The following SHTN1 variants were observed in gnomAD, a reference collection of about 807,000 sequenced individuals.
The protein encoded by SHTN1 is shootin 1.
A neutral mutation model predicts 83.1 loss-of-function variants in SHTN1; 42 were observed. The ratio of observed to expected loss-of-function variants is 0.51; its 90% CI spans 0.39 to 0.65. SHTN1 has a LOEUF of 0.65. Ranked by LOEUF, SHTN1 falls within the 30% of genes least tolerant of loss-of-function variation. The probability of loss-of-function intolerance (pLI) is 0.00; values close to 1 mark genes in which losing one functional copy is unlikely to be tolerated. For synonymous variants in SHTN1, 224 were observed against 247.7 expected, an observed-to-expected ratio of 0.90 and a Z score of 0.90; for missense variants, 622 against 737.8, an observed-to-expected ratio of 0.84 and a Z score of 1.82.
chr10:117,110,227 C>T (rs1352342953), intron 1 of SHTN1, among the ~76,000 whole-genome samples: 4 of 152,244 alleles, frequency 2.6e-5, no homozygotes. Flanking sequence ...CCCCTATCAC[C>T]ACTCCAACTG....
chr10:117,004,500 TA>T (rs1038679828), intron 1 of SHTN1, among the ~76,000 whole-genome samples: 23 of 149,172 alleles, frequency 1.5e-4, no homozygotes, highest in African/African-American at 4.9e-4. Flanking sequence ...GAGAAGTGAT[TA>T]AAAAAAAAAT....
chr10:117,083,654 C>T (rs1279411110), intron 1 of SHTN1, among the ~76,000 whole-genome samples: 1 of 151,216 alleles, frequency 6.6e-6, no homozygotes, highest in African/African-American at 2.4e-5. Context: ...TCCATTCTCC[C>T]CATCACTTTC....
In SHTN1 at chr10:116,968,713, C is replaced by G; in HGVS notation, c.112-1G>C. On this transcript the variant is annotated splice_acceptor_variant, in intron 2 of 16. Coordinates refer to ENST00000355371, the MANE Select transcript of SHTN1 (RefSeq NM_001127211.3). LOFTEE classifies it high-confidence loss of function. ...CTCGTTCTTGCCTAATTTTGTCACA[C>G]TGAAATGAGAGAAGTAAACAAATGT... The G allele has an allele frequency of 6.2e-7, 1 of 1,610,092 alleles. No individual in the cohort carries two copies. Among genetic ancestry groups the G allele is most frequent in the Non-Finnish European group, 8.5e-7 (1 of 1,177,182 alleles).
In SHTN1 at chr10:116,893,228, C is replaced by T. The variant is rs146233177; in HGVS notation, c.1674-6662G>A. ...AGTCCACAGGATAACTCCTTGGCAGCGGGGGAAGGAAAAAAAATGAAGTGA... is the reference window on the plus strand; with the variant it reads ...AGTCCACAGGATAACTCCTTGGCAGTGGGGGAAGGAAAAAAAATGAAGTGA... On this transcript the variant is annotated intron_variant, in intron 16 of 16. Coordinates refer to ENST00000355371, the MANE Select transcript of SHTN1 (RefSeq NM_001127211.3). Among the ~76,000 whole-genome samples, 565 of 151,970 alleles carry T rather than the reference C, an allele frequency of 3.7e-3. 5 individuals carry two copies. The highest frequency in any genetic ancestry group is 0.013 in the African/African-American group (532 of 41,454).
intron 1 of SHTN1, among the ~76,000 whole-genome samples, chr10:117,084,972 T>C (rs1162766034): frequency 6.6e-6 from 1 of 152,222 alleles, no homozygotes; most frequent in East Asian, 1.9e-4. Flanking sequence ...GTACCTCAGA[T>C]GGAAATGCAG....
At chr10:116,998,091 CAAAAA>C (rs1185321502) in intron 1 of SHTN1, among the ~76,000 whole-genome samples, 1 of 148,784 alleles carries the variant, frequency 6.7e-6, no homozygotes, top group Non-Finnish European at 1.5e-5. Context: ...GACTCTGTCT[CAAAAA>C]AAAAGAATCA....
chr10:116,892,188 T>C (rs1306899341), intron 16 of SHTN1, among the ~76,000 whole-genome samples: 1 of 152,190 alleles, frequency 6.6e-6, no homozygotes, highest in Non-Finnish European at 1.5e-5. Flanking sequence ...CACAATGCAA[T>C]GCTAGGGAGC....
intron 1 of SHTN1, among the ~76,000 whole-genome samples, chr10:117,064,724 A>C (rs977001554): frequency 1.3e-5 from 2 of 152,002 alleles, no homozygotes; most frequent in Non-Finnish European, 2.9e-5. Context: ...CCCACCCTCA[A>C]CAACGATCAC....
Position 116,883,969 on chromosome 10 carries a change from C to A in SHTN1, c.*2375G>T. ...TCTTTAATAGCAATGGCACAAAGTA[C>A]CTCTATCTCTGTTCCTCACTCGGGC... On this transcript the variant is annotated 3_prime_UTR_variant, in exon 17 of 17. Coordinates refer to ENST00000355371, the MANE Select transcript of SHTN1 (RefSeq NM_001127211.3). The A allele has an allele frequency of 5.0e-6, 1 of 200,738 alleles. No homozygotes were observed. Among genetic ancestry groups the A allele is most frequent in the South Asian group, 6.2e-5 (1 of 16,226 alleles). The allele number at this position is 200,738 out of a possible 1,614,324, so 12.4% of individuals were successfully genotyped here. A position where few individuals can be genotyped will look rare whatever the true frequency, so the allele number is the denominator to read the frequency against.
intron 2 of SHTN1, among the ~76,000 whole-genome samples, chr10:117,034,081 G>T (rs192969683): frequency 2.0e-5 from 3 of 152,094 alleles, no homozygotes; most frequent in Non-Finnish European, 4.4e-5. Flanking sequence ...GTATCATACT[G>T]AATGGGGAAA....
chr10:117,026,008 A>T (rs1852327989), intron 2 of SHTN1, among the ~76,000 whole-genome samples: 1 of 152,080 alleles, frequency 6.6e-6, no homozygotes, highest in Non-Finnish European at 1.5e-5. Flanking sequence ...GGCTAAGGGT[A>T]AGACTCCTTC....
chr10:117,120,339 C>T (rs1012801592), intron 1 of SHTN1, among the ~76,000 whole-genome samples: 1 of 151,746 alleles, frequency 6.6e-6, no homozygotes, highest in African/African-American at 2.4e-5. Flanking sequence ...CCTCCACCTC[C>T]TGGGTTCAAG....
At position 116,882,820 on chromosome 10, in the gene SHTN1, C is replaced by G. The variant is rs936426810; in HGVS notation, c.*3524G>C. On this transcript the variant is annotated 3_prime_UTR_variant, in exon 17 of 17. Coordinates refer to ENST00000355371, the MANE Select transcript of SHTN1 (RefSeq NM_001127211.3). ...CATGCAGGAGACTTGGTTGGTATCACTCTAAGTTGGAAGAACTGTGTCACA... is the reference window on the plus strand; with the variant it reads ...CATGCAGGAGACTTGGTTGGTATCAGTCTAAGTTGGAAGAACTGTGTCACA... The G allele has an allele frequency of 1.3e-5, 2 of 152,154 alleles. No individual in the cohort carries two copies. The highest frequency in any genetic ancestry group is 4.8e-5 in the African/African-American group (2 of 41,430). The allele number at this position is 152,154 out of a possible 1,614,324, so 9.4% of individuals were successfully genotyped here. A position where few individuals can be genotyped will look rare whatever the true frequency, so the allele number is the denominator to read the frequency against.
At chr10:116,923,472 A>G (rs1848633066) in intron 11 of SHTN1, among the ~76,000 whole-genome samples, 1 of 152,220 alleles carries the variant, frequency 6.6e-6, no homozygotes, top group South Asian at 2.1e-4. Flanking sequence ...TAAAAAAGGC[A>G]TAACATTGCC....
At chr10:116,924,296 A>G (rs1848659308) in intron 11 of SHTN1, among the ~76,000 whole-genome samples, 1 of 152,096 alleles carries the variant, frequency 6.6e-6, no homozygotes, top group African/African-American at 2.4e-5. Flanking sequence ...TTACCCTTGC[A>G]CCACACTCTG....
At chr10:116,915,231 T>C (rs1848343578) in intron 13 of SHTN1, 144 bp downstream of exon 13, 1 of 592,272 alleles carries the variant, frequency 1.7e-6, no homozygotes, top group Non-Finnish European at 3.0e-6. Flanking sequence ...AACATGCTTA[T>C]GTGGAAGTAA....
intron 2 of SHTN1, among the ~76,000 whole-genome samples, chr10:116,974,826 C>A (rs1195365799): frequency 6.7e-6 from 1 of 149,722 alleles, no homozygotes; most frequent in Non-Finnish European, 1.5e-5. Flanking sequence ...ATGACGCTTT[C>A]CCCCCATATA....
intron 13 of SHTN1, among the ~76,000 whole-genome samples, chr10:116,912,772 ACCC>A (rs1180788716): frequency 6.6e-6 from 1 of 151,950 alleles, no homozygotes; most frequent in African/African-American, 2.4e-5. Context: ...AGTGAAAGGA[ACCC>A]CTTGAGCCTC....
chr10:117,048,877 A>G (rs1413202743), intron 1 of SHTN1, among the ~76,000 whole-genome samples: 2 of 152,336 alleles, frequency 1.3e-5, no homozygotes, highest in African/African-American at 4.8e-5. Context: ...ATGGTCAACT[A>G]GGAAGAGACA....
Sources: allele counts gnomAD v4.1 joint callset (sites outside exome capture counted in the v4.1 genomes callset), GRCh38; gene constraint gnomAD v4.1.1; transcripts MANE v1.5; gene names NCBI Gene and HGNC (gene_info 2026-07-23, HGNC 2026-07-21).